The following KRABD2 variants were observed in gnomAD, a reference collection of about 807,000 sequenced individuals.
The protein encoded by KRABD2 is KRAB domain containing 2, also known as KRAB domain-containing protein 2.
At chr17:8,359,831 A>C in the KRABD2 span, 1 of 456,038 alleles carries the variant, frequency 2.2e-6, no homozygotes, top group South Asian at 1.5e-5. Context: ...TGGTCCCTAC[A>C]TTTAAGGCAG....
At chr17:8,367,413 C>T in the KRABD2 span, among the ~76,000 whole-genome samples, 4 of 150,894 alleles carry the variant, frequency 2.7e-5, no homozygotes, top group African/African-American at 4.9e-5. Flanking sequence ...GCAGGAGAAT[C>T]GCTTAAACCT....
At chr17:8,371,239 T>C in the KRABD2 span, 2 of 1,287,176 alleles carry the variant, frequency 1.6e-6, no homozygotes, top group South Asian at 2.6e-5. Context: ...GCTGTGGGGA[T>C]ATTTTTAAAT....
chr17:8,371,469 T>G, the KRABD2 span: 2 of 1,613,020 alleles, frequency 1.2e-6, no homozygotes, highest in Non-Finnish European at 1.7e-6. Flanking sequence ...TCTTGGGGCC[T>G]GGGCTAAAGA....
chr17:8,363,845 ATATATATATATATATATTTATT>A, the KRABD2 span, among the ~76,000 whole-genome samples: 2 of 85,648 alleles, frequency 2.3e-5, no homozygotes, highest in East Asian at 3.1e-4. Context: ...ATATATATAT[ATATATATATATATATATTTATT>A]TATTTATTTA....
At chr17:8,372,217 A>G in the KRABD2 span, 1 of 199,236 alleles carries the variant, frequency 5.0e-6, no homozygotes, top group Admixed American at 6.5e-5. The surrounding 1 kb of genome is among the most constrained non-coding windows in gnomAD (Gnocchi z 4.1). Context: ...CTAGTTAATC[A>G]TGAATATTCC....
chr17:8,361,079 A>AC, the KRABD2 span, among the ~76,000 whole-genome samples: 1 of 152,188 alleles, frequency 6.6e-6, no homozygotes, highest in East Asian at 1.9e-4. Context: ...CGTTCCTTCT[A>AC]CCCCTAGAGC....
At chr17:8,369,009 A>G in the KRABD2 span, 2 of 1,414,802 alleles carry the variant, frequency 1.4e-6, no homozygotes, top group African/African-American at 2.9e-5. Context: ...TTGAGCAAGG[A>G]CTGCCATGTA....
chr17:8,370,292 G>T, the KRABD2 span: 1 of 1,612,620 alleles, frequency 6.2e-7, no homozygotes, highest in Non-Finnish European at 8.5e-7. Flanking sequence ...TTTCTCTCAT[G>T]TTACTTATCT....
the KRABD2 span, chr17:8,359,447 A>C: frequency 2.6e-6 from 1 of 381,124 alleles, no homozygotes; most frequent in African/African-American, 2.1e-5. Context: ...TTACAGACTT[A>C]CAAGTCTTTA....
chr17:8,376,444 C>T, the KRABD2 span: 97 of 1,038,858 alleles, frequency 9.3e-5, no homozygotes, highest in Non-Finnish European at 1.1e-4. Context: ...ACCGTCCACA[C>T]CACACGGGCA....
chr17:8,371,563 A>G, the KRABD2 span: 2 of 1,563,180 alleles, frequency 1.3e-6, no homozygotes, highest in Non-Finnish European at 1.7e-6. Context: ...AAAGCGAGTC[A>G]GGTGAATAAA....
chr17:8,369,336 G>GGCAAGTTTGAGGAATATAGC, the KRABD2 span: 1 of 1,614,168 alleles, frequency 6.2e-7, no homozygotes, highest in Non-Finnish European at 8.5e-7. Context: ...AGTTTCCCGG[G>GGCAAGTTTGAGGAATATAGC]GCAAGTTTGA....
chr17:8,371,829 CAGG>C, the KRABD2 span: 2 of 1,074,262 alleles, frequency 1.9e-6, no homozygotes, highest in Non-Finnish European at 2.3e-6. Flanking sequence ...AAAGATATGT[CAGG>C]AGATTATCCT....
chr17:8,361,901 C>T, the KRABD2 span, among the ~76,000 whole-genome samples: 1 of 152,190 alleles, frequency 6.6e-6, no homozygotes, highest in African/African-American at 2.4e-5. Flanking sequence ...TAGGTTTGAA[C>T]CCTGGGCTAG....
chr17:8,371,711 A>T, the KRABD2 span: 2 of 1,352,488 alleles, frequency 1.5e-6, no homozygotes, highest in Admixed American at 3.1e-5. Context: ...CCATTTATTA[A>T]TCTTTCCAGA....
At chr17:8,374,496 G>A in the KRABD2 span, among the ~76,000 whole-genome samples, 4 of 151,908 alleles carry the variant, frequency 2.6e-5, no homozygotes, top group African/African-American at 9.7e-5. Flanking sequence ...GCGGAAGGCC[G>A]CAGGGTCCTC....
chr17:8,376,203 CA>C, the KRABD2 span: 1 of 1,231,330 alleles, frequency 8.1e-7, no homozygotes, highest in East Asian at 3.2e-5. Context: ...GACATTTTGT[CA>C]AAAATGTCGC....
chr17:8,373,480 A>G, the KRABD2 span: 3 of 191,788 alleles, frequency 1.6e-5, no homozygotes, highest in South Asian at 8.1e-5. Context: ...TCAGTGCTCA[A>G]TGTTGCCCAG....
the KRABD2 span, among the ~76,000 whole-genome samples, chr17:8,372,710 G>A: frequency 1.4e-3 from 210 of 152,324 alleles, no homozygotes; most frequent in African/African-American, 4.6e-3. This position sits in a 1 kb window ranked among gnomAD's most constrained non-coding sequence, Gnocchi z 4.1. Context: ...TGTGTTGGTT[G>A]TTATTTGAGT....
Sources: allele counts gnomAD v4.1 joint callset (sites outside exome capture counted in the v4.1 genomes callset), GRCh38; gene constraint gnomAD v4.1.1; non-coding constraint Gnocchi (gnomAD v3.1); transcripts MANE v1.5; gene names NCBI Gene and HGNC (gene_info 2026-07-23, HGNC 2026-07-21).